The following DDX10 variants were observed in gnomAD, a reference collection of about 807,000 sequenced individuals.
The protein encoded by DDX10 is probable ATP-dependent RNA helicase DDX10.
DDX10 carries 74 observed loss-of-function variants against 104.3 expected under a neutral mutation model. That is an observed-to-expected ratio of 0.71 (90% confidence interval 0.59 to 0.86). DDX10 has a LOEUF of 0.86. DDX10 is among the 40% of genes least tolerant of loss of function. DDX10 has a pLI of 0.00. For missense variants in DDX10, 952 were observed against 1,040.0 expected (o/e 0.92, Z 1.16); for synonymous variants, 351 against 353.4 (o/e 0.99, Z 0.08).
At chr11:108,785,543 C>G (rs552095248) in intron 13 of DDX10, among the ~76,000 whole-genome samples, 5 of 152,104 alleles carry the variant, frequency 3.3e-5, no homozygotes, top group Non-Finnish European at 7.4e-5. Context: ...TTTTGTACAT[C>G]TGATAGAATT....
At chr11:108,691,806 C>T (rs548283063) in intron 7 of DDX10, 70 bp from the exon 8 acceptor site, 69 of 1,411,796 alleles carry the variant, frequency 4.9e-5, no homozygotes, top group Non-Finnish European at 5.8e-5. Flanking sequence ...CTGTGGGATA[C>T]GTTGATAAGA....
intron 17 of DDX10, among the ~76,000 whole-genome samples, chr11:108,931,416 C>A (rs10450617): frequency 1.3e-5 from 2 of 152,320 alleles, no homozygotes; most frequent in African/African-American, 4.8e-5. Flanking sequence ...GGGTTTAAAT[C>A]GGGTCAGACT....
chr11:108,689,169 G>C, intron 7 of DDX10, 107 bp downstream of exon 7: 1 of 1,183,314 alleles, frequency 8.5e-7, no homozygotes, highest in Non-Finnish European at 1.2e-6. Flanking sequence ...AGTGCTAGGT[G>C]TGGTGAGGGA....
At chr11:108,771,178 T>C (rs956728642) in intron 13 of DDX10, among the ~76,000 whole-genome samples, 1 of 152,208 alleles carries the variant, frequency 6.6e-6, no homozygotes, top group Non-Finnish European at 1.5e-5. Context: ...TCAACTCTTT[T>C]GCTCATATTT....
In DDX10 at chr11:108,665,204, G is replaced by A; in HGVS notation, c.51G>A (p.Val17=). 2 of 1,613,510 alleles carry A rather than the reference G, an allele frequency of 1.2e-6. No individual in the cohort carries two copies. The highest frequency in any genetic ancestry group is 1.7e-6 in the Non-Finnish European group (2 of 1,179,800). The change falls in exon 1 of 18, where the codon GTG becomes GTA. Residue 17 remains valine, a synonymous_variant. Transcript: ENST00000322536. ...GTTCGGGAGCCCGACCCGACCCGGTGCGGAGCTTCAATCGCTGGAAGAAAA... is the reference window on the plus strand; with the variant it reads ...GTTCGGGAGCCCGACCCGACCCGGTACGGAGCTTCAATCGCTGGAAGAAAA... The part of the protein sequence containing the change: ...SPGSGARPDP[V]RSFNRWKKKH...
intron 17 of DDX10, among the ~76,000 whole-genome samples, chr11:108,924,520 T>G (rs538101337): frequency 7.9e-5 from 12 of 152,278 alleles, no homozygotes; most frequent in Admixed American, 6.5e-4. Context: ...CTAATCAAGG[T>G]TTTTGGTCTG....
At chr11:108,682,119 T>C (rs1441306958) in intron 6 of DDX10, among the ~76,000 whole-genome samples, 2 of 152,144 alleles carry the variant, frequency 1.3e-5, no homozygotes, top group Non-Finnish European at 2.9e-5. Context: ...GTCTAGTGTT[T>C]TTTGAGATGG....
intron 17 of DDX10, among the ~76,000 whole-genome samples, chr11:108,939,175 G>A (rs1186686383): frequency 6.6e-6 from 1 of 152,088 alleles, no homozygotes; most frequent in East Asian, 1.9e-4. Context: ...GTTAACTAAA[G>A]GTCTGACTGT....
intron 3 of DDX10, 137 bp downstream of exon 3, chr11:108,675,863 AG>A: frequency 9.1e-7 from 1 of 1,104,214 alleles, no homozygotes; most frequent in South Asian, 1.5e-5. Context: ...TTCATCAAAC[AG>A]GAGCCACATG....
intron 13 of DDX10, among the ~76,000 whole-genome samples, chr11:108,797,788 A>G (rs981340299): frequency 1.3e-5 from 2 of 152,358 alleles, no homozygotes; most frequent in Middle Eastern, 3.4e-3. Flanking sequence ...GAGGAAAGGT[A>G]TAAATAAATA....
At chr11:108,898,825 C>G (rs1863474822) in intron 16 of DDX10, among the ~76,000 whole-genome samples, 1 of 152,148 alleles carries the variant, frequency 6.6e-6, no homozygotes, top group Non-Finnish European at 1.5e-5. Flanking sequence ...GCTTTGGTAT[C>G]CTGCTCACAG....
intron 2 of DDX10, 115 bp from the exon 3 acceptor site, chr11:108,675,481 A>C: frequency 1.8e-6 from 2 of 1,107,028 alleles, no homozygotes; most frequent in Non-Finnish European, 2.6e-6. Flanking sequence ...TTATGTTCTG[A>C]GGTACGAGGC....
At chr11:108,671,823 G>A (rs1429266032) in intron 1 of DDX10, among the ~76,000 whole-genome samples, 1 of 152,130 alleles carries the variant, frequency 6.6e-6, no homozygotes, top group Non-Finnish European at 1.5e-5. Flanking sequence ...ACTTTGGGAA[G>A]CCGAGGCGGG....
intron 16 of DDX10, among the ~76,000 whole-genome samples, chr11:108,915,453 T>G (rs1237111656): frequency 1.3e-5 from 2 of 149,344 alleles, no homozygotes; most frequent in Non-Finnish European, 3.0e-5. Flanking sequence ...TTTGGTTTTT[T>G]TTTTTTTGTT....
At chr11:108,744,217 G>A (rs1385808473) in intron 13 of DDX10, among the ~76,000 whole-genome samples, 2 of 152,040 alleles carry the variant, frequency 1.3e-5, no homozygotes, top group African/African-American at 2.4e-5. Flanking sequence ...GGGTAGTCTC[G>A]TCATAGGAAG....
intron 16 of DDX10, among the ~76,000 whole-genome samples, chr11:108,904,876 CT>C (rs1409340083): frequency 6.6e-6 from 1 of 152,116 alleles, no homozygotes; most frequent in African/African-American, 2.4e-5. Flanking sequence ...TGCATTTGTG[CT>C]TTTATTCTGT....
chr11:108,924,009 A>G (rs937527030), intron 17 of DDX10, among the ~76,000 whole-genome samples: 6 of 152,138 alleles, frequency 3.9e-5, no homozygotes, highest in Admixed American at 1.3e-4. Flanking sequence ...TTCTGAGCAT[A>G]TAAGATTAAT....
chr11:108,925,761 G>T (rs1565321061), intron 17 of DDX10, among the ~76,000 whole-genome samples: 1 of 152,088 alleles, frequency 6.6e-6, no homozygotes, highest in Non-Finnish European at 1.5e-5. Context: ...GCTATTGTAA[G>T]TAATTTTTAA....
intron 17 of DDX10, among the ~76,000 whole-genome samples, chr11:108,924,649 T>C (rs1041879181): frequency 6.6e-6 from 1 of 152,230 alleles, no homozygotes; most frequent in Non-Finnish European, 1.5e-5. Context: ...GTGAGGTAGA[T>C]GAACTGCTTT....
Sources: gnomAD v4.1 joint callset for allele counts (sites outside exome capture counted in the v4.1 genomes callset) on GRCh38, gnomAD v4.1.1 for gene constraint, MANE v1.5 for transcripts, NCBI Gene and HGNC (gene_info 2026-07-23, HGNC 2026-07-21) for gene names.